Variants in SGCZ observed in about 807,000 individuals in gnomAD.
The protein encoded by SGCZ is sarcoglycan zeta, also known as zeta-sarcoglycan.
SGCZ carries 40 observed loss-of-function variants against 41.3 expected under a neutral mutation model. That is an observed-to-expected ratio of 0.97 (90% CI 0.75 to 1.26). SGCZ has a LOEUF of 1.26. Among genes scored for constraint, SGCZ ranks in the 50% most tolerant of loss-of-function variants. The pLI is 0.00. For missense variants in SGCZ, 552 were observed against 369.8 expected (o/e 1.49, Z -4.04); for synonymous variants, 206 against 137.5 (o/e 1.50, Z -3.49).
At chr8:14,649,018 G>A (rs976052196) in intron 1 of SGCZ, among the ~76,000 whole-genome samples, 1 of 152,030 alleles carries the variant, frequency 6.6e-6, no homozygotes, top group Admixed American at 6.6e-5. Context: ...ACCAACTATA[G>A]TCTAGCTGCT....
intron 1 of SGCZ, among the ~76,000 whole-genome samples, chr8:15,219,820 C>T (rs1416640618): frequency 1.3e-5 from 2 of 152,126 alleles, no homozygotes; most frequent in Admixed American, 1.3e-4. Context: ...TCCAAAGCAA[C>T]TTTCATTCAA....
rs367715268 is a variant in SGCZ, at chr8:14,444,566, A to G, written c.234+110166T>C. Among the ~76,000 whole-genome samples the G allele has an allele frequency of 2.0e-5, 3 of 151,778 alleles. No homozygotes were observed. In the East Asian group the frequency reaches 5.8e-4, roughly 29 times the overall value. On this transcript the variant is annotated intron_variant, in intron 2 of 7. Coordinates refer to ENST00000382080, the MANE Select transcript of SGCZ (RefSeq NM_139167.4). ...TCTCAGTAAACTATCGTAAGAACAA[A>G]AAACCAAACACCACATATTCTCACT...
At chr8:15,110,800 C>G (rs1807019427) in intron 1 of SGCZ, among the ~76,000 whole-genome samples, 1 of 152,060 alleles carries the variant, frequency 6.6e-6, no homozygotes, top group Non-Finnish European at 1.5e-5. Flanking sequence ...GAAACCCTGT[C>G]TCTACTAAAA....
chr8:14,948,955 T>G (rs1457610000), intron 1 of SGCZ, among the ~76,000 whole-genome samples: 1 of 152,022 alleles, frequency 6.6e-6, no homozygotes, highest in Non-Finnish European at 1.5e-5. Context: ...CTGTCTCTTG[T>G]GTTCTCTTTT....
At chr8:14,312,960 G>C (rs1391274080) in intron 3 of SGCZ, among the ~76,000 whole-genome samples, 2 of 152,140 alleles carry the variant, frequency 1.3e-5, no homozygotes, top group Non-Finnish European at 2.9e-5. Context: ...TTACTAAGAA[G>C]ACTGCGGATT....
chr8:15,032,779 A>G (rs1384849633), intron 1 of SGCZ, among the ~76,000 whole-genome samples: 1 of 151,952 alleles, frequency 6.6e-6, no homozygotes, highest in African/African-American at 2.4e-5. Flanking sequence ...CCCTAGTACC[A>G]GGTCAGCTCC....
intron 1 of SGCZ, among the ~76,000 whole-genome samples, chr8:14,629,957 T>C (rs1242429265): frequency 3.3e-5 from 5 of 152,130 alleles, no homozygotes; most frequent in Non-Finnish European, 7.3e-5. Flanking sequence ...ATTTTGAAAC[T>C]GTTTCTAAGT....
At chr8:15,127,467 T>C (rs1025790922) in intron 1 of SGCZ, among the ~76,000 whole-genome samples, 3 of 152,170 alleles carry the variant, frequency 2.0e-5, no homozygotes, top group African/African-American at 4.8e-5. Context: ...TTCTGGGGTA[T>C]TGCAACATTT....
chr8:14,779,010 T>A (rs1800500280), intron 1 of SGCZ, among the ~76,000 whole-genome samples: 1 of 152,150 alleles, frequency 6.6e-6, no homozygotes, highest in African/African-American at 2.4e-5. Context: ...TACAAGGAAA[T>A]ATGTACAATA....
intron 2 of SGCZ, among the ~76,000 whole-genome samples, chr8:14,471,461 G>T (rs1048516322): frequency 1.3e-5 from 2 of 151,976 alleles, no homozygotes; most frequent in African/African-American, 4.8e-5. Context: ...ATATATGAAT[G>T]ATACAACATC....
chr8:15,202,281 T>C (rs1214996842), intron 1 of SGCZ, among the ~76,000 whole-genome samples: 1 of 152,076 alleles, frequency 6.6e-6, no homozygotes, highest in Non-Finnish European at 1.5e-5. Flanking sequence ...AAAGAAAATG[T>C]GGTAGAATAA....
At chr8:15,232,937 C>G (rs1400738974) in intron 1 of SGCZ, among the ~76,000 whole-genome samples, 1 of 151,508 alleles carries the variant, frequency 6.6e-6, no homozygotes, top group African/African-American at 2.4e-5. Flanking sequence ...AGTAACATCA[C>G]AGTATAACCC....
chr8:15,028,605 G>C (rs1803543147), intron 1 of SGCZ, among the ~76,000 whole-genome samples: 1 of 152,106 alleles, frequency 6.6e-6, no homozygotes, highest in South Asian at 2.1e-4. Flanking sequence ...CTTGCTGGTT[G>C]CTTCACAGGC....
At chr8:15,165,706 T>G (rs1799646850) in intron 1 of SGCZ, among the ~76,000 whole-genome samples, 1 of 152,234 alleles carries the variant, frequency 6.6e-6, no homozygotes, top group Non-Finnish European at 1.5e-5. Flanking sequence ...AATCAAAGGT[T>G]ATAAGAAGGT....
At chr8:14,242,872 A>T (rs1331637663) in intron 3 of SGCZ, among the ~76,000 whole-genome samples, 1 of 151,952 alleles carries the variant, frequency 6.6e-6, no homozygotes, top group Non-Finnish European at 1.5e-5. Context: ...AAACCAATAT[A>T]AAAAAAATAG....
At chr8:15,034,730 C>T (rs1585495840) in intron 1 of SGCZ, among the ~76,000 whole-genome samples, 1 of 152,090 alleles carries the variant, frequency 6.6e-6, no homozygotes, top group Non-Finnish European at 1.5e-5. Context: ...AAGCAAGTCA[C>T]ACATAAGGGA....
intron 5 of SGCZ, among the ~76,000 whole-genome samples, chr8:14,133,885 C>T (rs1021915562): frequency 3.3e-5 from 5 of 152,180 alleles, no homozygotes; most frequent in African/African-American, 1.2e-4. Flanking sequence ...AACTTATTTC[C>T]CTTTTCCAAC....
intron 1 of SGCZ, among the ~76,000 whole-genome samples, chr8:15,040,332 G>T (rs574195472): frequency 1.3e-5 from 2 of 152,140 alleles, no homozygotes; most frequent in South Asian, 2.1e-4. Flanking sequence ...AAGTGATTTC[G>T]TTGGCCGCGA....
intron 2 of SGCZ, among the ~76,000 whole-genome samples, chr8:14,551,551 AATATATATT>A (rs1563404709): frequency 0.086 from 2,196 of 25,630 alleles, 280 homozygotes; most frequent in East Asian, 0.27. Flanking sequence ...TAATATATAT[AATATATATT>A]ATATATATAA....
Sources: allele counts gnomAD v4.1 joint callset (sites outside exome capture counted in the v4.1 genomes callset), GRCh38; gene constraint gnomAD v4.1.1; transcripts MANE v1.5; gene names NCBI Gene and HGNC (gene_info 2026-07-23, HGNC 2026-07-21).